The following SUMF1 variants were observed in gnomAD, a reference collection of about 807,000 sequenced individuals.
The protein encoded by SUMF1 is formylglycine-generating enzyme.
SUMF1 carries 48 observed loss-of-function variants against 47.6 expected under a neutral mutation model. The observed-to-expected ratio is 1.01, with a 90% CI of 0.80 to 1.28. SUMF1 has a LOEUF of 1.28. Ranked by LOEUF, SUMF1 falls within the 50% of genes most tolerant of loss-of-function variation. The pLI, the probability that SUMF1 is intolerant of heterozygous loss-of-function variation, is 0.00. For missense variants in SUMF1, 571 were observed against 485.4 expected, an observed-to-expected ratio of 1.18 and a Z score of -1.66; for synonymous variants, 230 against 192.1, an observed-to-expected ratio of 1.20 and a Z score of -1.63.
At chr3:4,179,867 T>A (rs1695053769) in intron 8 of SUMF1, among the ~76,000 whole-genome samples, 1 of 151,718 alleles carries the variant, frequency 6.6e-6, no homozygotes, top group South Asian at 2.1e-4. Context: ...AACAACCCCA[T>A]CAAAAAGTGG....
intron 8 of SUMF1, among the ~76,000 whole-genome samples, chr3:4,101,036 C>A (rs1164430011): frequency 6.6e-6 from 1 of 151,920 alleles, no homozygotes. Flanking sequence ...GAAAAGGGAA[C>A]TTTTATACAC....
rs754820101 is a variant in SUMF1, at chr3:4,265,273, A to G, written c.1014+111057T>C. Among the ~76,000 whole-genome samples the G allele has an allele frequency of 5.3e-5, 8 of 152,208 alleles. No homozygotes were observed. In the South Asian group the frequency reaches 1.2e-3, roughly 24 times the overall value. On this transcript the variant is annotated intron_variant and NMD_transcript_variant, in intron 8 of 12. Transcript: ENST00000448413. ...CTGCTCATGTTTTCTAAGAATCTCAATGTTGAGTATCTTAAAGATAATGTA... is the reference window on the plus strand; with the variant it reads ...CTGCTCATGTTTTCTAAGAATCTCAGTGTTGAGTATCTTAAAGATAATGTA...
chr3:4,083,493 A>AGT (rs1453671355), intron 8 of SUMF1, among the ~76,000 whole-genome samples: 1 of 152,154 alleles, frequency 6.6e-6, no homozygotes, highest in Non-Finnish European at 1.5e-5. Flanking sequence ...CAGCGTGACT[A>AGT]TGAAACACCC....
At chr3:4,077,211 G>A (rs1329109981) in intron 8 of SUMF1, among the ~76,000 whole-genome samples, 2 of 152,088 alleles carry the variant, frequency 1.3e-5, no homozygotes, top group African/African-American at 2.4e-5. Flanking sequence ...GTTGGTGGGA[G>A]TGTAAATTAG....
intron 8 of SUMF1, among the ~76,000 whole-genome samples, chr3:4,271,512 T>C (rs1484633169): frequency 6.9e-5 from 8 of 115,332 alleles, no homozygotes; most frequent in African/African-American, 2.4e-4. Context: ...GATAGATAGA[T>C]AGATAGATAC....
chr3:4,242,073 G>A (rs1048835142), intron 8 of SUMF1, among the ~76,000 whole-genome samples: 1 of 152,104 alleles, frequency 6.6e-6, no homozygotes, highest in Non-Finnish European at 1.5e-5. Context: ...CTTGCCCTCT[G>A]TTTGCCTGTT....
chr3:4,443,847 G>A (rs1425136828), intron 3 of SUMF1, among the ~76,000 whole-genome samples: 1 of 152,054 alleles, frequency 6.6e-6, no homozygotes, highest in Non-Finnish European at 1.5e-5. Context: ...AAAGAATTAT[G>A]TAAAGAAAGA....
intron 8 of SUMF1, among the ~76,000 whole-genome samples, chr3:4,250,872 T>A (rs1383723693): frequency 6.6e-6 from 1 of 152,198 alleles, no homozygotes; most frequent in Non-Finnish European, 1.5e-5. Flanking sequence ...TCATTGATAA[T>A]GTACCTGTTT....
intron 8 of SUMF1, among the ~76,000 whole-genome samples, chr3:4,289,913 C>A (rs1033109503): frequency 2.5e-4 from 38 of 152,260 alleles, no homozygotes; most frequent in African/African-American, 8.9e-4. Flanking sequence ...GTGTTATCAA[C>A]AAAAACAACA....
intron 8 of SUMF1, among the ~76,000 whole-genome samples, chr3:4,170,844 T>C (rs978890859): frequency 6.6e-6 from 1 of 152,180 alleles, no homozygotes; most frequent in Non-Finnish European, 1.5e-5. Flanking sequence ...AAAAGGAGAA[T>C]AGCCAGCTTT....
intron 8 of SUMF1, among the ~76,000 whole-genome samples, chr3:4,329,791 C>T (rs1397421376): frequency 1.3e-5 from 2 of 151,792 alleles, no homozygotes; most frequent in Non-Finnish European, 2.9e-5. Context: ...ATCACATCAT[C>T]AGGCTGCTAA....
chr3:4,416,272 G>T (rs535237365), intron 6 of SUMF1, among the ~76,000 whole-genome samples: 1 of 151,770 alleles, frequency 6.6e-6, no homozygotes, highest in Non-Finnish European at 1.5e-5. Flanking sequence ...AAAGACGTAG[G>T]TTAATATTTA....
chr3:4,333,599 C>T (rs949775141), intron 8 of SUMF1, among the ~76,000 whole-genome samples: 1 of 152,148 alleles, frequency 6.6e-6, no homozygotes, highest in African/African-American at 2.4e-5. Context: ...TGGGACAAGA[C>T]AGTACAATGC....
intron 7 of SUMF1, among the ~76,000 whole-genome samples, chr3:4,386,054 T>C (rs1006745909): frequency 2.0e-5 from 3 of 152,198 alleles, no homozygotes; most frequent in Non-Finnish European, 4.4e-5. Context: ...AGTCTTCAAA[T>C]TGGGTAGATT....
chr3:4,077,537 T>G (rs957132670), intron 8 of SUMF1, among the ~76,000 whole-genome samples: 4 of 152,086 alleles, frequency 2.6e-5, no homozygotes, highest in Non-Finnish European at 1.5e-5. Context: ...ACCATCATTC[T>G]CAGCAAACTA....
At chr3:4,237,282 C>T (rs1334030752) in intron 8 of SUMF1, among the ~76,000 whole-genome samples, 1 of 152,056 alleles carries the variant, frequency 6.6e-6, no homozygotes, top group Non-Finnish European at 1.5e-5. Context: ...CATGTACTCA[C>T]CAGCATTTGA....
downstream of SUMF1, among the ~76,000 whole-genome samples, chr3:4,357,077 T>C (rs1699635705): frequency 6.6e-6 from 1 of 152,144 alleles, no homozygotes; most frequent in South Asian, 2.1e-4. Context: ...CCAGATCAGA[T>C]TTTTTACTTC....
intron 8 of SUMF1, among the ~76,000 whole-genome samples, chr3:4,133,860 A>T (rs1001643109): frequency 2.0e-5 from 3 of 152,102 alleles, no homozygotes; most frequent in African/African-American, 4.8e-5. Flanking sequence ...TGACTAATAC[A>T]GGTGTCTACT....
At chr3:4,451,780 T>C (rs775369691) in intron 2 of SUMF1, among the ~76,000 whole-genome samples, 32 of 152,088 alleles carry the variant, frequency 2.1e-4, no homozygotes, top group Non-Finnish European at 3.7e-4. Flanking sequence ...GCCTCCCGGG[T>C]TCATGCTATT....
Sources: allele counts gnomAD v4.1 joint callset (sites outside exome capture counted in the v4.1 genomes callset), GRCh38; gene constraint gnomAD v4.1.1; transcripts MANE v1.5; gene names NCBI Gene and HGNC (gene_info 2026-07-23, HGNC 2026-07-21).